The following SPAG6 variants were observed in gnomAD, a reference collection of about 807,000 sequenced individuals.
The protein encoded by SPAG6 is sperm-associated antigen 6.
Under a neutral mutation model 58.5 loss-of-function variants are expected in SPAG6, and 49 were observed. The ratio of observed to expected loss-of-function variants is 0.84; its 90% CI spans 0.67 to 1.06. SPAG6 has a LOEUF of 1.06. Among genes scored for constraint, SPAG6 ranks in the 50% least tolerant of loss-of-function variants. The pLI, the probability that SPAG6 is intolerant of heterozygous loss-of-function variation, is 0.00. For synonymous variants in SPAG6, 233 were observed against 225.6 expected (o/e 1.03, Z -0.29); for missense variants, 560 against 611.3 (o/e 0.92, Z 0.89).
At chr10:22,387,554 A>G (rs776543328) in intron 5 of SPAG6, among the ~76,000 whole-genome samples, 1 of 152,156 alleles carries the variant, frequency 6.6e-6, no homozygotes, top group Non-Finnish European at 1.5e-5. Context: ...AGTGGTATTC[A>G]TCCAGAGGTC....
At chr10:22,381,577 G>A (rs1156982003) in intron 4 of SPAG6, among the ~76,000 whole-genome samples, 1 of 151,202 alleles carries the variant, frequency 6.6e-6, no homozygotes, top group African/African-American at 2.4e-5. Flanking sequence ...GGGCCCTGTG[G>A]GCATTTGCAT....
intron 9 of SPAG6, among the ~76,000 whole-genome samples, chr10:22,409,015 G>A (rs540676003): frequency 1.2e-4 from 19 of 152,200 alleles, no homozygotes; most frequent in East Asian, 3.9e-4. Flanking sequence ...ACTGACCTGC[G>A]CCCACTGTCT....
chr10:22,403,419 A>G (rs1302874076), intron 9 of SPAG6, among the ~76,000 whole-genome samples: 1 of 152,242 alleles, frequency 6.6e-6, no homozygotes, highest in African/African-American at 2.4e-5. Context: ...TTTACTGAGA[A>G]TGATGATTTC....
chr10:22,383,643 A>C (rs931611746), intron 4 of SPAG6, among the ~76,000 whole-genome samples: 1 of 152,124 alleles, frequency 6.6e-6, no homozygotes, highest in African/African-American at 2.4e-5. Context: ...ATCTCAAAAA[A>C]AAAGAAAGAA....
At chr10:22,366,968 A>G (rs778289295) in intron 3 of SPAG6, among the ~76,000 whole-genome samples, 6 of 151,102 alleles carry the variant, frequency 4.0e-5, no homozygotes, top group Non-Finnish European at 8.8e-5. Context: ...AGGAGATTTA[A>G]TCTCCTCTTT....
intron 2 of SPAG6, among the ~76,000 whole-genome samples, chr10:22,354,089 A>T (rs1471291951): frequency 1.3e-5 from 2 of 152,180 alleles, no homozygotes; most frequent in Non-Finnish European, 2.9e-5. Context: ...GAATTGATGG[A>T]AAGCCATTGA....
At chr10:22,351,943 T>G (rs566993788) in intron 2 of SPAG6, among the ~76,000 whole-genome samples, 1 of 152,218 alleles carries the variant, frequency 6.6e-6, no homozygotes, top group Admixed American at 6.5e-5. Flanking sequence ...GAGGCCGAGG[T>G]GGGTGAATCA....
chr10:22,407,740 C>G (rs1417628860), intron 9 of SPAG6, among the ~76,000 whole-genome samples: 1 of 152,164 alleles, frequency 6.6e-6, no homozygotes, highest in African/African-American at 2.4e-5. Context: ...TGTTTTCCAA[C>G]TTGGTTCCAT....
At chr10:22,359,419 T>C (rs1386270267) in intron 2 of SPAG6, 3 of 264,068 alleles carry the variant, frequency 1.1e-5, no homozygotes, top group Non-Finnish European at 1.8e-5. Flanking sequence ...AGATGGAGTC[T>C]CATTCACTCT....
intron 4 of SPAG6, among the ~76,000 whole-genome samples, chr10:22,370,803 G>A (rs950414833): frequency 2.5e-4 from 38 of 152,042 alleles, no homozygotes; most frequent in Admixed American, 6.6e-4. Flanking sequence ...ACTACAGCAG[G>A]GTTTTCAATC....
chr10:22,368,782 T>C, intron 4 of SPAG6, 104 bp downstream of exon 4: 1 of 833,774 alleles, frequency 1.2e-6, no homozygotes, highest in Non-Finnish European at 1.8e-6. Flanking sequence ...GGGGTTTTAA[T>C]GATGTTTCTG....
intron 10 of SPAG6, among the ~76,000 whole-genome samples, chr10:22,414,828 G>A (rs936832979): frequency 6.6e-6 from 1 of 152,158 alleles, no homozygotes; most frequent in Non-Finnish European, 1.5e-5. Flanking sequence ...GTTCAATGGC[G>A]TGATCTCGGC....
intron 10 of SPAG6, among the ~76,000 whole-genome samples, chr10:22,414,151 G>A (rs1401405443): frequency 6.6e-6 from 1 of 152,150 alleles, no homozygotes; most frequent in African/African-American, 2.4e-5. Context: ...TGGGGAAGCA[G>A]CTTTGGGGCA....
At chr10:22,385,731 A>G (rs1466389671) in intron 4 of SPAG6, among the ~76,000 whole-genome samples, 1 of 152,218 alleles carries the variant, frequency 6.6e-6, no homozygotes, top group Non-Finnish European at 1.5e-5. Context: ...GAAAAATCAA[A>G]CACTGTATTA....
intron 2 of SPAG6, among the ~76,000 whole-genome samples, chr10:22,356,650 C>G (rs1836876878): frequency 6.6e-6 from 1 of 152,204 alleles, no homozygotes; most frequent in Non-Finnish European, 1.5e-5. Context: ...ATCCTTTGAC[C>G]AAACCAGAAA....
chr10:22,369,167 A>G (rs768823032), intron 4 of SPAG6, among the ~76,000 whole-genome samples: 1 of 152,096 alleles, frequency 6.6e-6, no homozygotes, highest in Non-Finnish European at 1.5e-5. Flanking sequence ...TTGAGGAGAT[A>G]TGGACATAAC....
In SPAG6 at chr10:22,417,088, A is replaced by T. The variant is rs1024003966; in HGVS notation, c.*400A>T. On this transcript the variant is annotated 3_prime_UTR_variant, in exon 11 of 11. Coordinates refer to ENST00000376624, the MANE Select transcript of SPAG6 (RefSeq NM_012443.4). ...GCAAGGAAAGCTGGCCTTGCTAACT[A>T]TATAGTAGTATACACAAGAGAAATC... 2 of 162,502 alleles carry T rather than the reference A, an allele frequency of 1.2e-5. No individual in the cohort carries two copies. 10.1% of individuals were successfully genotyped at this position (162,502 alleles called of 1,614,324 possible).
At chr10:22,357,095 C>T (rs1269946771) in intron 2 of SPAG6, among the ~76,000 whole-genome samples, 1 of 152,064 alleles carries the variant, frequency 6.6e-6, no homozygotes, top group Non-Finnish European at 1.5e-5. Flanking sequence ...TATACCATTC[C>T]TTCTGGGTGC....
At chr10:22,408,554 A>C (rs1336453689) in intron 9 of SPAG6, among the ~76,000 whole-genome samples, 2 of 149,634 alleles carry the variant, frequency 1.3e-5, no homozygotes, top group African/African-American at 5.0e-5. Flanking sequence ...TCAGACAGGG[A>C]CACTTAAGTC....
Sources: gnomAD v4.1 joint callset for allele counts (sites outside exome capture counted in the v4.1 genomes callset) on GRCh38, gnomAD v4.1.1 for gene constraint, MANE v1.5 for transcripts, NCBI Gene and HGNC (gene_info 2026-07-23, HGNC 2026-07-21) for gene names.